Variants in VPS45 observed in about 807,000 individuals in gnomAD.
VPS45 encodes vacuolar protein sorting 45 homolog, also known as vacuolar protein sorting-associated protein 45.
A neutral mutation model predicts 75.9 loss-of-function variants in VPS45; 35 were observed. That is an observed-to-expected ratio of 0.46 (90% confidence interval 0.35 to 0.61). The LOEUF (loss-of-function observed/expected upper bound fraction) is 0.61. Among genes scored for constraint, VPS45 ranks in the 20% least tolerant of loss-of-function variants. The pLI, the probability that VPS45 is intolerant of heterozygous loss-of-function variation, is 0.00. For missense variants in VPS45, 559 were observed against 685.9 expected, an observed-to-expected ratio of 0.81 and a Z score of 2.07; for synonymous variants, 220 against 238.2, an observed-to-expected ratio of 0.92 and a Z score of 0.70.
At chr1:150,085,079 A>C (rs1302741105) in intron 10 of VPS45, among the ~76,000 whole-genome samples, 1 of 152,120 alleles carries the variant, frequency 6.6e-6, no homozygotes, top group African/African-American at 2.4e-5. Context: ...GATGTATCCT[A>C]ATCTATTTAA....
intron 14 of VPS45, among the ~76,000 whole-genome samples, chr1:150,117,399 A>G (rs1300707422): frequency 2.3e-4 from 31 of 134,488 alleles, no homozygotes; most frequent in East Asian, 4.8e-4. Flanking sequence ...ACAGGCACCT[A>G]TAGTCCCAGC....
chr1:150,085,660 A>G (rs1655965610), intron 10 of VPS45, among the ~76,000 whole-genome samples: 1 of 152,094 alleles, frequency 6.6e-6, no homozygotes. Flanking sequence ...ACCTTAGATG[A>G]TAATACGTCA....
chr1:150,108,332 A>G (rs1477529949), intron 13 of VPS45, among the ~76,000 whole-genome samples: 4 of 152,220 alleles, frequency 2.6e-5, no homozygotes, highest in African/African-American at 9.6e-5. Context: ...TTTCTCTGGT[A>G]ACTAGTAATG....
chr1:150,139,556 T>G (rs1211443662), intron 14 of VPS45, among the ~76,000 whole-genome samples: 1 of 145,500 alleles, frequency 6.9e-6, no homozygotes, highest in Admixed American at 6.7e-5. Flanking sequence ...TGATGAACTC[T>G]CTTTTTTTTG....
intron 10 of VPS45, among the ~76,000 whole-genome samples, chr1:150,091,123 C>A (rs1240474330): frequency 6.6e-6 from 1 of 152,182 alleles, no homozygotes; most frequent in East Asian, 1.9e-4. Flanking sequence ...ATTAAAGAAA[C>A]ATGTATATAG....
intron 14 of VPS45, among the ~76,000 whole-genome samples, chr1:150,141,942 T>C (rs1189210318): frequency 6.6e-6 from 1 of 152,210 alleles, no homozygotes; most frequent in Non-Finnish European, 1.5e-5. Context: ...TTAAGTGAGA[T>C]TGATTTAAAA....
chr1:150,129,796 A>G (rs1571909465), intron 14 of VPS45, among the ~76,000 whole-genome samples: 1 of 148,964 alleles, frequency 6.7e-6, no homozygotes, highest in Non-Finnish European at 1.5e-5. Context: ...CAAGTGATCC[A>G]CCTGCCTCAG....
At chr1:150,116,988 G>C (rs1657968729) in intron 14 of VPS45, among the ~76,000 whole-genome samples, 2 of 151,948 alleles carry the variant, frequency 1.3e-5, no homozygotes, top group South Asian at 4.1e-4. Flanking sequence ...GGATCATGAG[G>C]TCAGAAGATC....
In VPS45 at chr1:150,144,940, GCA is replaced by G; in HGVS notation, c.*147_*148del. 1 of 1,539,874 alleles carries G rather than the reference GCA, an allele frequency of 6.5e-7. No homozygotes were observed. The highest frequency in any genetic ancestry group is 8.7e-7 in the Non-Finnish European group (1 of 1,147,634). ...CAGGTAGCCCACGGATACGTGGTTGGCACAGACACAAGACTCCCAGAGTTGTC... is the reference window on the plus strand; with the variant it reads ...CAGGTAGCCCACGGATACGTGGTTGGCAGACACAAGACTCCCAGAGTTGTC... On this transcript the variant is annotated 3_prime_UTR_variant, in exon 15 of 15. Transcript: ENST00000644510.
chr1:150,141,574 C>CA (rs1257894185), intron 14 of VPS45, among the ~76,000 whole-genome samples: 1 of 152,192 alleles, frequency 6.6e-6, no homozygotes, highest in Non-Finnish European at 1.5e-5. Context: ...CAAGACTTCT[C>CA]AAGGTTGACT....
intron 12 of VPS45, 76 bp downstream of exon 12, chr1:150,092,485 C>T: frequency 8.3e-7 from 1 of 1,209,410 alleles, no homozygotes; most frequent in South Asian, 1.4e-5. Flanking sequence ...TGAATATGAT[C>T]TTCAAAGTAT....
intron 4 of VPS45, 88 bp downstream of exon 4, chr1:150,076,400 C>A: frequency 1.9e-6 from 2 of 1,074,624 alleles, no homozygotes; most frequent in Non-Finnish European, 2.6e-6. Context: ...AAAGGTCTGT[C>A]TCAAAAGAAG....
rs374920845 is a variant in VPS45 at position 150,099,450 on chromosome 1, TGTA to T, written c.1493+5805_1493+5807del. ...ATTGGCTGAACCCGGGAGGCAAAGT[TGTA>T]GTGAGCCAAGATTGCGCCACTGCAC... is the stretch of plus-strand genomic sequence containing the variant. On this transcript the variant is annotated intron_variant, in intron 13 of 14. Coordinates refer to ENST00000644510, the MANE Select transcript of VPS45 (RefSeq NM_007259.5). 1.4e-4 allele frequency among the ~76,000 whole-genome samples: 21 copies of T among 151,092 alleles called. 1 individual carries two copies. Among genetic ancestry groups the T allele is most frequent in the African/African-American group, 4.4e-4 (18 of 41,146 alleles).
chr1:150,104,826 C>T (rs1657231834), intron 13 of VPS45, among the ~76,000 whole-genome samples: 1 of 152,184 alleles, frequency 6.6e-6, no homozygotes, highest in African/African-American at 2.4e-5. Flanking sequence ...CTCCTTGGCT[C>T]AAGCGATCCA....
chr1:150,108,662 C>G (rs1405362535), intron 13 of VPS45, among the ~76,000 whole-genome samples: 2 of 152,130 alleles, frequency 1.3e-5, no homozygotes, highest in African/African-American at 4.8e-5. Context: ...CCAGGAGGAG[C>G]AAGTGATCAC....
At chr1:150,089,429 C>T (rs993615112) in intron 10 of VPS45, among the ~76,000 whole-genome samples, 4 of 151,978 alleles carry the variant, frequency 2.6e-5, no homozygotes, top group East Asian at 3.9e-4. Context: ...CACGTAATCT[C>T]GGCTCACTGC....
At position 150,067,943 on chromosome 1, in the gene VPS45, A is replaced by C; in HGVS notation, c.86A>C (p.Lys29Thr). The change falls in exon 1 of 15, where the codon AAA becomes ACA. Residue 29 changes from lysine to threonine, a missense_variant. Physicochemically the swap from Lys to Thr is moderately conservative, Grantham distance 78. Transcript: ENST00000644510. Reference protein sequence around the residue: ...GPGMKVLLMDKETTGIVSMVY... With the variant: ...GPGMKVLLMDTETTGIVSMVY... ...GGTATGAAAGTACTTCTCATGGATA[A>C]AGAGACGGTGAGTTTGCTTTTGCTC... 2 of 1,614,164 alleles carry C rather than the reference A, an allele frequency of 1.2e-6. No individual in the cohort carries two copies. Among genetic ancestry groups the C allele is most frequent in the Non-Finnish European group, 1.7e-6 (2 of 1,179,984 alleles).
Position 150,077,142 on chromosome 1 carries a change from A to G in VPS45, c.487A>G (p.Thr163Ala), listed in dbSNP as rs146014368. ...GCTATCTAGAACAACTCAAGGGCTT[A>G]CAGCTCTCCTTTTATCTCTGAAGAA... ...AQLSRTTQGL[T>A]ALLLSLKKCP... The change falls in exon 6 of 15, where the codon ACA becomes GCA. Residue 163 changes from threonine to alanine, a missense_variant. Transcript: ENST00000644510. The G allele has an allele frequency of 7.4e-5, 120 of 1,614,166 alleles. No individual in the cohort carries two copies. In the African/African-American group the frequency reaches 1.5e-3, roughly 20 times the overall value.
At chr1:150,125,154 A>T in intron 14 of VPS45, among the ~76,000 whole-genome samples, 1 of 144,654 alleles carries the variant, frequency 6.9e-6, no homozygotes, top group Middle Eastern at 3.5e-3. Context: ...TTTAATTGAC[A>T]TGTAATAATT....
Sources: allele counts gnomAD v4.1 joint callset (sites outside exome capture counted in the v4.1 genomes callset), GRCh38; gene constraint gnomAD v4.1.1; transcripts MANE v1.5; gene names NCBI Gene and HGNC (gene_info 2026-07-23, HGNC 2026-07-21).